COMMD1: variants seen among roughly 807,000 people sequenced by gnomAD.
COMMD1 encodes copper metabolism domain containing 1, also known as COMM domain-containing protein 1.
A neutral mutation model predicts 17.2 loss-of-function variants in COMMD1; 10 were observed. The ratio of observed to expected loss-of-function variants is 0.58; its 90% CI spans 0.36 to 0.99. COMMD1 has a LOEUF of 0.99. COMMD1 is among the 50% of genes least tolerant of loss of function. COMMD1 has a pLI of 0.01. For synonymous variants in COMMD1, 97 were observed against 91.6 expected, an observed-to-expected ratio of 1.06 and a Z score of -0.34; for missense variants, 270 against 231.8, an observed-to-expected ratio of 1.17 and a Z score of -1.07.
chr2:62,081,130 A>G (rs1350307714), intron 2 of COMMD1, among the ~76,000 whole-genome samples: 2 of 152,154 alleles, frequency 1.3e-5, no homozygotes, highest in Non-Finnish European at 2.9e-5. Context: ...TTTAATAGCT[A>G]CTGCTGGATC....
intron 2 of COMMD1, among the ~76,000 whole-genome samples, chr2:62,085,304 A>G (rs192482343): frequency 2.0e-5 from 3 of 149,356 alleles, no homozygotes; most frequent in African/African-American, 7.5e-5. Context: ...TGTAAGCTCC[A>G]CCTCCTGGGT....
intron 2 of COMMD1, among the ~76,000 whole-genome samples, chr2:62,031,269 T>A (rs1669901990): frequency 1.3e-5 from 2 of 152,234 alleles, no homozygotes; most frequent in South Asian, 4.1e-4. Flanking sequence ...AGACAAAATA[T>A]AATTAAATCC....
chr2:62,083,770 G>A (rs1671589169), intron 2 of COMMD1, among the ~76,000 whole-genome samples: 1 of 152,238 alleles, frequency 6.6e-6, no homozygotes, highest in African/African-American at 2.4e-5. Context: ...TTAGAGGATA[G>A]AGATTTATGG....
chr2:62,090,629 C>T (rs1671799905), intron 2 of COMMD1: 1 of 152,192 alleles, frequency 6.6e-6, no homozygotes, highest in Non-Finnish European at 1.5e-5. Flanking sequence ...AGTTTTGTTA[C>T]AGGAGAAGTC....
chr2:61,965,148 A>G (rs1366972185), intron 1 of COMMD1, among the ~76,000 whole-genome samples: 1 of 152,192 alleles, frequency 6.6e-6, no homozygotes, highest in African/African-American at 2.4e-5. Flanking sequence ...ATCTACATAA[A>G]TATTCTGTTG....
At chr2:62,016,047 G>T (rs1460101996) in intron 2 of COMMD1, among the ~76,000 whole-genome samples, 1 of 152,040 alleles carries the variant, frequency 6.6e-6, no homozygotes, top group Non-Finnish European at 1.5e-5. Flanking sequence ...TGGCCAGGCT[G>T]GTCTTGAACG....
At chr2:61,909,716 T>C (rs926280327) in intron 1 of COMMD1, among the ~76,000 whole-genome samples, 1 of 152,158 alleles carries the variant, frequency 6.6e-6, no homozygotes, top group African/African-American at 2.4e-5. Flanking sequence ...CTATGTAATA[T>C]CATGGTCTGT....
chr2:61,889,577 C>T (rs974149745), intron 1 of COMMD1, among the ~76,000 whole-genome samples: 1 of 152,092 alleles, frequency 6.6e-6, no homozygotes, highest in Admixed American at 6.6e-5. Context: ...GAATAACTCT[C>T]TAAGGGATAT....
intron 2 of COMMD1, among the ~76,000 whole-genome samples, chr2:62,013,779 A>C (rs1442091567): frequency 6.6e-6 from 1 of 152,190 alleles, no homozygotes; most frequent in East Asian, 1.9e-4. Context: ...TGGTAATTCT[A>C]GTCATTGTTA....
At chr2:62,065,720 G>A (rs1483333011) in intron 2 of COMMD1, among the ~76,000 whole-genome samples, 3 of 152,142 alleles carry the variant, frequency 2.0e-5, no homozygotes, top group Non-Finnish European at 4.4e-5. Context: ...AAGGTATGAT[G>A]TTTATTATAA....
chr2:62,015,755 A>G (rs1343427047), intron 2 of COMMD1, among the ~76,000 whole-genome samples: 1 of 137,594 alleles, frequency 7.3e-6, no homozygotes, highest in Non-Finnish European at 1.5e-5. Context: ...ATAAAGTGGT[A>G]TCTCATTTAG....
At chr2:62,114,399 T>C (rs1184406565) in intron 2 of COMMD1, among the ~76,000 whole-genome samples, 1 of 152,218 alleles carries the variant, frequency 6.6e-6, no homozygotes, top group Non-Finnish European at 1.5e-5. Flanking sequence ...CTTGCTCTTA[T>C]CAAGAGGGCA....
chr2:61,998,404 C>T (rs760214288), intron 1 of COMMD1, among the ~76,000 whole-genome samples: 2 of 152,074 alleles, frequency 1.3e-5, no homozygotes, highest in Non-Finnish European at 2.9e-5. Context: ...GGATTACAGG[C>T]GTGCGCCACT....
intron 2 of COMMD1, among the ~76,000 whole-genome samples, chr2:62,135,500 C>T (rs1170922089): frequency 1.3e-5 from 2 of 152,022 alleles, no homozygotes; most frequent in African/African-American, 4.8e-5. Flanking sequence ...CACAGGTGCC[C>T]GCAACTGCGC....
intron 1 of COMMD1, among the ~76,000 whole-genome samples, chr2:61,998,682 T>A (rs1482887550): frequency 6.6e-6 from 1 of 152,244 alleles, no homozygotes; most frequent in African/African-American, 2.4e-5. Flanking sequence ...GCTTTCAGCC[T>A]ATCTTGGCTT....
intron 2 of COMMD1, among the ~76,000 whole-genome samples, chr2:62,134,758 C>G (rs551918614): frequency 2.6e-5 from 4 of 151,876 alleles, no homozygotes; most frequent in Non-Finnish European, 4.4e-5. Context: ...AGCCTGGAAA[C>G]AGAGGGGGAA....
At chr2:61,914,584 A>T (rs1203806572) in intron 1 of COMMD1, among the ~76,000 whole-genome samples, 1 of 152,150 alleles carries the variant, frequency 6.6e-6, no homozygotes. Context: ...AACAAAAAAT[A>T]GTAATAAGAT....
intron 2 of COMMD1, among the ~76,000 whole-genome samples, chr2:62,115,579 T>G (rs145989295): frequency 2.0e-5 from 3 of 152,214 alleles, no homozygotes; most frequent in African/African-American, 7.2e-5. Flanking sequence ...AGGGTATTAC[T>G]GGGGCATTTG....
intron 1 of COMMD1, among the ~76,000 whole-genome samples, chr2:61,960,972 C>A (rs1671326326): frequency 6.6e-6 from 1 of 152,190 alleles, no homozygotes; most frequent in Admixed American, 6.5e-5. Flanking sequence ...AGATTGCTCG[C>A]ACCAGGTGTG....
Sources: allele counts gnomAD v4.1 joint callset (sites outside exome capture counted in the v4.1 genomes callset), GRCh38; gene constraint gnomAD v4.1.1; transcripts MANE v1.5; gene names NCBI Gene and HGNC (gene_info 2026-07-23, HGNC 2026-07-21).